ABCA12: variants seen among roughly 807,000 people sequenced by gnomAD.
ABCA12 encodes the protein glucosylceramide transporter ABCA12.
In ABCA12, 156 loss-of-function variants were observed where a neutral mutation model predicts 293.5. The observed-to-expected ratio is 0.53, with a 90% confidence interval of 0.47 to 0.61. The LOEUF (loss-of-function observed/expected upper bound fraction) is 0.61, where lower values mean the gene tolerates loss of function less well. ABCA12 is among the 20% of genes least tolerant of loss of function. ABCA12 has a pLI of 0.00. For synonymous variants in ABCA12, 1,063 were observed against 1,108.0 expected, an observed-to-expected ratio of 0.96 and a Z score of 0.81; for missense variants, 2,797 against 3,090.2, an observed-to-expected ratio of 0.91 and a Z score of 2.25.
chr2:215,103,549 G>A (rs1702402878), intron 2 of ABCA12, among the ~76,000 whole-genome samples: 1 of 151,888 alleles, frequency 6.6e-6, no homozygotes, highest in Admixed American at 6.6e-5. Context: ...GGGATTATAG[G>A]CATGAGCCAT....
At chr2:214,981,761 GTTTT>G (rs11323161) in intron 30 of ABCA12, among the ~76,000 whole-genome samples, 8 of 77,014 alleles carry the variant, frequency 1.0e-4, no homozygotes, top group African/African-American at 2.6e-4. Context: ...CGTCAAGCTG[GTTTT>G]TTTTTTTTTT....
intron 19 of ABCA12, among the ~76,000 whole-genome samples, chr2:215,006,050 A>C (rs796186667): frequency 1.4e-4 from 21 of 152,324 alleles, no homozygotes; most frequent in African/African-American, 4.8e-4. Flanking sequence ...TTCCTCAATA[A>C]TCGAAAATAA....
chr2:214,970,901 A>T (rs1040644305), intron 36 of ABCA12, among the ~76,000 whole-genome samples: 1 of 152,048 alleles, frequency 6.6e-6, no homozygotes, highest in Non-Finnish European at 1.5e-5. Flanking sequence ...AATATTATAT[A>T]TGTATATATG....
chr2:215,024,507 G>A (rs1052486839), intron 11 of ABCA12, among the ~76,000 whole-genome samples: 1 of 152,180 alleles, frequency 6.6e-6, no homozygotes. Flanking sequence ...CTTGAGGGAT[G>A]AGTAGGAATT....
At chr2:214,937,889 T>C (rs33932423) in intron 50 of ABCA12, among the ~76,000 whole-genome samples, 47,727 of 152,140 alleles carry the variant, frequency 0.31, 8,921 homozygotes, top group South Asian at 0.46. Flanking sequence ...CTTGGCTTTC[T>C]ATGACATTCA....
At chr2:214,966,986 T>C (rs1258691102) in intron 38 of ABCA12, 33 bp from the exon 39 acceptor site, 14 of 1,538,772 alleles carry the variant, frequency 9.1e-6, no homozygotes, top group African/African-American at 2.7e-5. Flanking sequence ...AAGATCAATA[T>C]TGCATTCAAA....
In ABCA12 at chr2:215,072,001, T is replaced by C. The variant is rs146251734; in HGVS notation, c.164-7782A>G. Among the ~76,000 whole-genome samples the C allele has an allele frequency of 3.9e-5, 6 of 152,332 alleles. No individual in the cohort carries two copies. In the East Asian group the frequency reaches 1.2e-3, roughly 29 times the overall value. On this transcript the variant is annotated intron_variant, in intron 2 of 52. Coordinates refer to ENST00000272895, the MANE Select transcript of ABCA12 (RefSeq NM_173076.3). ...CTCCTTCTCCCCAGGCAAGTCTTAC[T>C]TCATAGCACAGATTCTTTTCCAAGT... is the stretch of plus-strand genomic sequence containing the variant.
chr2:215,112,930 T>C (rs1317790131), intron 1 of ABCA12, among the ~76,000 whole-genome samples: 2 of 152,194 alleles, frequency 1.3e-5, no homozygotes, highest in Non-Finnish European at 2.9e-5. Context: ...TCCAGAACCA[T>C]GAAAAACATA....
chr2:215,024,311 C>A (rs1700693514), intron 11 of ABCA12, among the ~76,000 whole-genome samples: 1 of 152,030 alleles, frequency 6.6e-6, no homozygotes, highest in Non-Finnish European at 1.5e-5. Context: ...TGACAATAAG[C>A]ACTTTGGGGT....
chr2:214,970,695 T>G (rs1033676297), intron 36 of ABCA12, among the ~76,000 whole-genome samples: 5 of 152,142 alleles, frequency 3.3e-5, no homozygotes, highest in Non-Finnish European at 5.9e-5. Context: ...GTGCTGAGGC[T>G]TAATATGTTT....
intron 7 of ABCA12, among the ~76,000 whole-genome samples, chr2:215,040,517 AC>A (rs1701076896): frequency 6.6e-6 from 1 of 152,190 alleles, no homozygotes; most frequent in East Asian, 1.9e-4. Flanking sequence ...TGGTGAGAAT[AC>A]AAAATGTTGG....
Position 215,138,395 on chromosome 2 carries a change from C to G in ABCA12, c.-187G>C. ...TGCTGGATTTTTCCCTGTGGTTAAT[C>G]CTTAACCAAGAGGCACTTCTCAATC... is the stretch of plus-strand genomic sequence containing the variant. On this transcript the variant is annotated 5_prime_UTR_variant, in exon 1 of 53. Coordinates refer to ENST00000272895, the MANE Select transcript of ABCA12 (RefSeq NM_173076.3). The G allele has an allele frequency of 1.5e-6, 1 of 651,804 alleles. No individual in the cohort carries two copies. The highest frequency in any genetic ancestry group is 2.7e-6 in the Non-Finnish European group (1 of 365,530). 40.4% of individuals were successfully genotyped at this position (651,804 alleles called of 1,614,324 possible). A position where few individuals can be genotyped will look rare whatever the true frequency, so the allele number is the denominator to read the frequency against.
chr2:215,122,569 T>G (rs189165591), intron 1 of ABCA12, among the ~76,000 whole-genome samples: 136 of 152,338 alleles, frequency 8.9e-4, no homozygotes, highest in South Asian at 2.9e-3. Flanking sequence ...TATGTCAAGC[T>G]TGATCCAAAA....
chr2:214,961,975 T>C (rs935455893), intron 39 of ABCA12: 3 of 152,310 alleles, frequency 2.0e-5, no homozygotes, highest in African/African-American at 7.2e-5. Flanking sequence ...GAAAGAAATG[T>C]AGATGTTGGC....
rs75437589 is a variant in ABCA12 at position 215,083,303 on chromosome 2, T to C, written c.164-19084A>G. Among the ~76,000 whole-genome samples, 231 of 152,334 alleles carry C rather than the reference T, an allele frequency of 1.5e-3. 5 individuals carry two copies. The East Asian group carries it at 0.038, about 25-fold the overall frequency. ...GTGTTTGTGGTAACGGATAGTGGAA[T>C]GTGAAAGTTTATAAGGAAAGGAGGC... is the stretch of plus-strand genomic sequence containing the variant. On this transcript the variant is annotated intron_variant, in intron 2 of 52. Coordinates refer to ENST00000272895, the MANE Select transcript of ABCA12 (RefSeq NM_173076.3).
chr2:214,949,192 C>A, intron 45 of ABCA12, 43 bp from the exon 46 acceptor site: 1 of 1,362,144 alleles, frequency 7.3e-7, no homozygotes, highest in Non-Finnish European at 1.1e-6. Flanking sequence ...TTAATCCAAA[C>A]CAATGAGACA....
intron 14 of ABCA12, chr2:215,017,781 G>A (rs978459724): frequency 7.3e-6 from 4 of 544,516 alleles, no homozygotes; most frequent in Non-Finnish European, 1.3e-5. Context: ...ATGGGGCATG[G>A]GAAAGGACAA....
chr2:215,092,443 G>A (rs1003508262), intron 2 of ABCA12, among the ~76,000 whole-genome samples: 4 of 151,838 alleles, frequency 2.6e-5, no homozygotes, highest in East Asian at 3.9e-4. Flanking sequence ...AGCCTCCTTC[G>A]TGTCTTCCTC....
intron 34 of ABCA12, 63 bp from the exon 35 acceptor site, chr2:214,974,927 A>G: frequency 7.1e-7 from 1 of 1,402,072 alleles, no homozygotes; most frequent in Non-Finnish European, 1.0e-6. Context: ...TATTAAAATC[A>G]TGCTTGAAGA....
Sources: allele counts gnomAD v4.1 joint callset (sites outside exome capture counted in the v4.1 genomes callset), GRCh38; gene constraint gnomAD v4.1.1; transcripts MANE v1.5; gene names NCBI Gene and HGNC (gene_info 2026-07-23, HGNC 2026-07-21).